The following FBXO40 variants were observed in gnomAD, a reference collection of about 807,000 sequenced individuals.
FBXO40 encodes F-box only protein 40.
Under a neutral mutation model 49.9 loss-of-function variants are expected in FBXO40, and 50 were observed. The observed-to-expected ratio is 1.00, with a 90% CI of 0.80 to 1.27. The LOEUF is 1.27. Ranked by LOEUF, FBXO40 falls within the 50% of genes most tolerant of loss-of-function variation. FBXO40 has a pLI of 0.00. For missense variants in FBXO40, 895 were observed against 870.1 expected, an observed-to-expected ratio of 1.03 and a Z score of -0.36; for synonymous variants, 340 against 320.2, an observed-to-expected ratio of 1.06 and a Z score of -0.66.
intron 1 of FBXO40, among the ~76,000 whole-genome samples, chr3:121,607,923 A>T (rs1576451778): frequency 6.6e-6 from 1 of 152,214 alleles, no homozygotes; most frequent in South Asian, 2.1e-4. Flanking sequence ...AAATGAGTGG[A>T]ATTATGAAAA....
chr3:121,618,773 C>T (rs1462403919), intron 1 of FBXO40, among the ~76,000 whole-genome samples: 1 of 150,330 alleles, frequency 6.7e-6, no homozygotes, highest in Non-Finnish European at 1.5e-5. Flanking sequence ...GGTTGGAGGG[C>T]AGGGAGAGAT....
rs767023566 is a variant in FBXO40, at chr3:121,623,394, A to AT, written c.1914+57dup. ...GACTCATTCAGCAATTTTTTGTTTC[A>AT]TTTTTTATAGACAGGTTCTCTCTCT... On this transcript the variant is annotated intron_variant, in intron 3 of 3. Transcript: ENST00000338040. 1.1e-5 allele frequency: 17 copies of AT among 1,494,880 alleles called. No homozygotes were observed. In the South Asian group the frequency reaches 1.7e-4, roughly 15 times the overall value. The allele number at this position is 1,494,880 out of a possible 1,614,324, so 92.6% of individuals were successfully genotyped here.
intron 1 of FBXO40, among the ~76,000 whole-genome samples, chr3:121,614,867 G>A (rs193225048): frequency 1.2e-4 from 18 of 152,300 alleles, no homozygotes; most frequent in Non-Finnish European, 1.5e-5. Context: ...AGAGGGTCAC[G>A]ACCCAGACAC....
chr3:121,629,405 G>A lies in FBXO40; in HGVS notation c.*2495G>A, dbSNP rs947417185. 11 of 152,202 alleles carry A rather than the reference G, an allele frequency of 7.2e-5. No individual in the cohort carries two copies. Among genetic ancestry groups the A allele is most frequent in the Admixed American group, 3.3e-4 (5 of 15,274 alleles). The allele number at this position is 152,202 out of a possible 1,614,324, so 9.4% of individuals were successfully genotyped here. A position where few individuals can be genotyped will look rare whatever the true frequency, so the allele number is the denominator to read the frequency against. On this transcript the variant is annotated 3_prime_UTR_variant, in exon 4 of 4. Coordinates refer to ENST00000338040, the MANE Select transcript of FBXO40 (RefSeq NM_016298.4). ...AGAGTTGTCCAGGTGGTAGTTCGAC[G>A]TGTTTTGAATCTAGTCCTTCCTACA...
chr3:121,600,194 ATTTTTTT>A (rs71133558), intron 1 of FBXO40, among the ~76,000 whole-genome samples: 1 of 88,430 alleles, frequency 1.1e-5, no homozygotes, highest in African/African-American at 4.6e-5. Flanking sequence ...CACTTGGCTG[ATTTTTTT>A]TTTTTTTTTT....
intron 3 of FBXO40, 24 bp downstream of exon 3, chr3:121,623,367 T>C (rs780618070): frequency 6.3e-7 from 1 of 1,577,998 alleles, no homozygotes; most frequent in African/African-American, 1.4e-5. Flanking sequence ...CATTTATTGA[T>C]TGACTCATTC....
intron 1 of FBXO40, among the ~76,000 whole-genome samples, chr3:121,612,164 C>A (rs145905779): frequency 6.6e-6 from 1 of 152,212 alleles, no homozygotes; most frequent in Non-Finnish European, 1.5e-5. Flanking sequence ...TAAAAACCAG[C>A]TGAATTTTTT....
chr3:121,622,383 G>GAT lies in FBXO40; in HGVS notation c.956_957dup (p.His320TyrfsTer36), dbSNP rs1285036222. On this transcript the variant is annotated frameshift_variant, in exon 3 of 4. Coordinates refer to ENST00000338040, the MANE Select transcript of FBXO40 (RefSeq NM_016298.4). LOFTEE classifies it high-confidence loss of function. Reference sequence around the variant, plus strand: ...ATCTAGTGCACAATGGGCGGATGCTGATACACTTTGGTCAGATGCCTGCTT... The same window carrying GAT: ...ATCTAGTGCACAATGGGCGGATGCTGATATACACTTTGGTCAGATGCCTGCTT... The GAT allele has an allele frequency of 6.2e-7, 1 of 1,614,054 alleles. No individual in the cohort carries two copies. The highest frequency in any genetic ancestry group is 2.2e-5 in the East Asian group (1 of 44,890).
chr3:121,627,001 T>C lies in FBXO40; in HGVS notation c.*91T>C, dbSNP rs760096172. The C allele has an allele frequency of 8.4e-7, 1 of 1,194,388 alleles. No individual in the cohort carries two copies. Among genetic ancestry groups the C allele is most frequent in the Non-Finnish European group, 1.2e-6 (1 of 822,658 alleles). 74.0% of individuals were successfully genotyped at this position (1,194,388 alleles called of 1,614,324 possible). A position where few individuals can be genotyped will look rare whatever the true frequency, so the allele number is the denominator to read the frequency against. ...GTGTGTGGTTTTGAGGACTCCCTTC[T>C]GTAAACTGCCTATTTGCTTATCGGG... is the stretch of plus-strand genomic sequence containing the variant. On this transcript the variant is annotated 3_prime_UTR_variant, in exon 4 of 4. Coordinates refer to ENST00000338040, the MANE Select transcript of FBXO40 (RefSeq NM_016298.4).
intron 1 of FBXO40, among the ~76,000 whole-genome samples, chr3:121,603,023 C>T (rs563635580): frequency 6.6e-6 from 1 of 152,334 alleles, no homozygotes; most frequent in East Asian, 1.9e-4. Context: ...AAGATGCCAG[C>T]AGATTCTGTG....
At chr3:121,607,377 T>G (rs986667217) in intron 1 of FBXO40, among the ~76,000 whole-genome samples, 38 of 129,170 alleles carry the variant, frequency 2.9e-4, no homozygotes, top group African/African-American at 1.1e-3. Context: ...TGGCACGATC[T>G]CGGCTCACTG....
rs71133558 is a variant in FBXO40 at position 121,600,194 on chromosome 3, A to ATTT, written c.-31+6715_-31+6717dup. 2.2e-3 allele frequency among the ~76,000 whole-genome samples: 195 copies of ATTT among 88,372 alleles called. 5 individuals carry two copies. The highest frequency in any genetic ancestry group is 5.6e-3 in the African/African-American group (123 of 21,856). 58.0% of individuals were successfully genotyped at this position (88,372 alleles called of 152,430 possible). A position where few individuals can be genotyped will look rare whatever the true frequency, so the allele number is the denominator to read the frequency against. ...TACAGGCATGTGTCACACTTGGCTGATTTTTTTTTTTTTTTTTTTTTTTTT... is the reference window on the plus strand; with the variant it reads ...TACAGGCATGTGTCACACTTGGCTGATTTTTTTTTTTTTTTTTTTTTTTTTTTT... On this transcript the variant is annotated intron_variant, in intron 1 of 3. Transcript: ENST00000338040.
intron 1 of FBXO40, among the ~76,000 whole-genome samples, chr3:121,614,434 T>C (rs2048985896): frequency 6.6e-6 from 1 of 150,876 alleles, no homozygotes; most frequent in African/African-American, 2.4e-5. Context: ...AGAGTGAGAC[T>C]CTGTCTCAAA....
chr3:121,611,482 T>A (rs536700487), intron 1 of FBXO40, among the ~76,000 whole-genome samples: 65 of 152,284 alleles, frequency 4.3e-4, no homozygotes, highest in African/African-American at 1.4e-3. Context: ...GAGTAAAGAA[T>A]AACAAGGCAG....
intron 1 of FBXO40, among the ~76,000 whole-genome samples, chr3:121,607,277 A>T (rs1229962547): frequency 1.3e-5 from 2 of 150,092 alleles, no homozygotes; most frequent in Admixed American, 1.3e-4. Flanking sequence ...AAAAAAAAAA[A>T]AAATTGAGAG....
intron 1 of FBXO40, among the ~76,000 whole-genome samples, chr3:121,600,914 G>A (rs1417110482): frequency 6.6e-6 from 1 of 152,176 alleles, no homozygotes; most frequent in African/African-American, 2.4e-5. Context: ...TAAGGATCCT[G>A]TTACTGGGCA....
chr3:121,614,390 C>T (rs7426531), intron 1 of FBXO40, among the ~76,000 whole-genome samples: 36,633 of 151,086 alleles, frequency 0.24, 5,040 homozygotes, highest in East Asian at 0.67. Flanking sequence ...TGCAGTGAGC[C>T]GAAATCGCAC....
At chr3:121,605,328 C>T (rs2048926478) in intron 1 of FBXO40, among the ~76,000 whole-genome samples, 1 of 152,200 alleles carries the variant, frequency 6.6e-6, no homozygotes, top group African/African-American at 2.4e-5. Context: ...GCAATCATGG[C>T]CAAAGATTGG....
At chr3:121,626,303 G>A (rs1348735928) in intron 3 of FBXO40, among the ~76,000 whole-genome samples, 1 of 152,124 alleles carries the variant, frequency 6.6e-6, no homozygotes, top group African/African-American at 2.4e-5. Flanking sequence ...AGTTCAAGTA[G>A]AGAAAGAAAA....
Sources: allele counts gnomAD v4.1 joint callset (sites outside exome capture counted in the v4.1 genomes callset), GRCh38; gene constraint gnomAD v4.1.1; transcripts MANE v1.5; gene names NCBI Gene and HGNC (gene_info 2026-07-23, HGNC 2026-07-21).